RAB3GAP1: variants seen among roughly 807,000 people sequenced by gnomAD.
The protein encoded by RAB3GAP1 is RAB3 GTPase activating protein catalytic subunit 1, also known as rab3 GTPase-activating protein catalytic subunit.
RAB3GAP1 carries 86 observed loss-of-function variants against 130.7 expected under a neutral mutation model. The ratio of observed to expected loss-of-function variants is 0.66; its 90% CI spans 0.55 to 0.79. RAB3GAP1 has a LOEUF of 0.79. Ranked by LOEUF, RAB3GAP1 falls within the 30% of genes least tolerant of loss-of-function variation. RAB3GAP1 has a pLI of 0.00. For missense variants in RAB3GAP1, 1,029 were observed against 1,169.4 expected (o/e 0.88, Z 1.75); for synonymous variants, 367 against 401.7 (o/e 0.91, Z 1.03).
At chr2:135,068,590 T>G (rs1689386788) in intron 3 of RAB3GAP1, among the ~76,000 whole-genome samples, 1 of 152,072 alleles carries the variant, frequency 6.6e-6, no homozygotes, top group Non-Finnish European at 1.5e-5. Flanking sequence ...CTGTCTCTAC[T>G]AAAAATACAA....
intron 23 of RAB3GAP1, 89 bp from the exon 24 acceptor site, chr2:135,168,456 T>C: frequency 9.4e-7 from 1 of 1,068,148 alleles, no homozygotes; most frequent in South Asian, 1.3e-5. Context: ...CATTTTCATA[T>C]CTTTATTATG....
downstream of RAB3GAP1, among the ~76,000 whole-genome samples, chr2:135,171,556 A>C (rs895366533): frequency 6.6e-6 from 1 of 152,154 alleles, no homozygotes; most frequent in African/African-American, 2.4e-5. Flanking sequence ...ACCCCCATAC[A>C]TTCCTATACC....
chr2:135,130,206 GATGGAC>G (rs1691491765), intron 12 of RAB3GAP1, 119 bp downstream of exon 12: 1 of 848,306 alleles, frequency 1.2e-6, no homozygotes, highest in African/African-American at 1.7e-5. Context: ...ATCAAGTTTT[GATGGAC>G]TAGACAGCTA....
At chr2:135,074,644 C>T (rs1438949797) in intron 3 of RAB3GAP1, among the ~76,000 whole-genome samples, 1 of 152,120 alleles carries the variant, frequency 6.6e-6, no homozygotes, top group Middle Eastern at 3.2e-3. Context: ...AAGCAGTCCC[C>T]AAGCACTCCC....
At position 135,072,703 on chromosome 2, in the gene RAB3GAP1, A is replaced by G. The variant is rs369972502; in HGVS notation, c.150+14617A>G. 2.8e-4 allele frequency among the ~76,000 whole-genome samples: 43 copies of G among 152,338 alleles called. No individual in the cohort carries two copies. The East Asian group carries it at 5.0e-3, about 18-fold the overall frequency. On this transcript the variant is annotated intron_variant, in intron 3 of 23. Transcript: ENST00000264158. ...CAATGAGTTATTTTACTTTAGGACA[A>G]GAAATTACCATACAAGATCCTTTCT...
intron 3 of RAB3GAP1, among the ~76,000 whole-genome samples, chr2:135,076,962 A>G (rs1466730588): frequency 1.3e-5 from 2 of 152,222 alleles, no homozygotes; most frequent in Non-Finnish European, 2.9e-5. Context: ...TTATATGTAT[A>G]TACCACATTT....
chr2:135,058,309 G>GTATA (rs147304537), intron 3 of RAB3GAP1: 17 of 360,246 alleles, frequency 4.7e-5, no homozygotes, highest in African/African-American at 3.0e-4. Context: ...ATGTGTGTGT[G>GTATA]TATATATATA....
Position 135,159,902 on chromosome 2 carries a change from G to A in RAB3GAP1, c.2290-2653G>A, listed in dbSNP as rs547699145. 4.2e-4 allele frequency among the ~76,000 whole-genome samples: 64 copies of A among 152,298 alleles called. 1 individual carries two copies. The South Asian group carries it at 7.5e-3, about 18-fold the overall frequency. ...CAGAAAACAATGGGCTGCATGTTGC[G>A]TCGTTCCATTTATATGAAAGGACCA... On this transcript the variant is annotated intron_variant, in intron 19 of 23. Transcript: ENST00000264158.
At chr2:135,171,145 T>C (rs1373272817), downstream of RAB3GAP1, among the ~76,000 whole-genome samples, 1 of 151,312 alleles carries the variant, frequency 6.6e-6, no homozygotes, top group Admixed American at 6.6e-5. Flanking sequence ...TAAGGGAAAA[T>C]GTCTATTTGG....
chr2:135,140,552 T>C (rs1691808813), intron 17 of RAB3GAP1, among the ~76,000 whole-genome samples: 1 of 152,174 alleles, frequency 6.6e-6, no homozygotes, highest in South Asian at 2.1e-4. Flanking sequence ...AGAGATGAGG[T>C]TTAAGCTTCC....
At chr2:135,142,778 T>C (rs970340397) in intron 17 of RAB3GAP1, among the ~76,000 whole-genome samples, 12 of 152,132 alleles carry the variant, frequency 7.9e-5, no homozygotes, top group African/African-American at 2.9e-4. Flanking sequence ...TTCTCCCTTA[T>C]TCCATTAATG....
chr2:135,166,049 G>A lies in RAB3GAP1; in HGVS notation c.2709+1353G>A, dbSNP rs373333972. ...TAGCTGGGCGTGGTGGTGAGCACCT[G>A]TAATCTCAGCTACTTGGGAGGCTGA... On this transcript the variant is annotated intron_variant, in intron 23 of 23. Coordinates refer to ENST00000264158, the MANE Select transcript of RAB3GAP1 (RefSeq NM_012233.3). Among the ~76,000 whole-genome samples the A allele has an allele frequency of 1.9e-4, 29 of 152,000 alleles. No individual in the cohort carries two copies. The East Asian group carries it at 4.6e-3, about 24-fold the overall frequency.
chr2:135,102,999 T>C (rs1690491029), intron 5 of RAB3GAP1, among the ~76,000 whole-genome samples: 1 of 104,800 alleles, frequency 9.5e-6, no homozygotes, highest in African/African-American at 4.7e-5. Flanking sequence ...AGTGCGAGAC[T>C]CCGTCTGAAA....
At chr2:135,136,294 C>G (rs1014349325) in intron 17 of RAB3GAP1, among the ~76,000 whole-genome samples, 8 of 152,012 alleles carry the variant, frequency 5.3e-5, no homozygotes, top group Non-Finnish European at 1.0e-4. Flanking sequence ...CCACTGCACT[C>G]CAGCCTGGGC....
intron 5 of RAB3GAP1, among the ~76,000 whole-genome samples, chr2:135,105,578 G>T (rs538890962): frequency 6.6e-6 from 1 of 151,180 alleles, no homozygotes; most frequent in Non-Finnish European, 1.5e-5. Context: ...ATCTCGGCTC[G>T]CTACAACCTC....
At chr2:135,149,874 G>A (rs1005111022) in intron 17 of RAB3GAP1, among the ~76,000 whole-genome samples, 2 of 152,110 alleles carry the variant, frequency 1.3e-5, no homozygotes, top group African/African-American at 4.8e-5. Context: ...AGCCAGGATG[G>A]TCTCGATCTC....
intron 17 of RAB3GAP1, among the ~76,000 whole-genome samples, chr2:135,139,723 G>C (rs1252363373): frequency 6.6e-6 from 1 of 152,024 alleles, no homozygotes; most frequent in Non-Finnish European, 1.5e-5. Flanking sequence ...TACATTCTCT[G>C]TCTTTCCCAT....
chr2:135,173,287 T>C (rs1261135310), downstream of RAB3GAP1, among the ~76,000 whole-genome samples: 1 of 151,470 alleles, frequency 6.6e-6, no homozygotes, highest in Non-Finnish European at 1.5e-5. Context: ...CCATGGACAG[T>C]ATGAGGTCAC....
At position 135,169,275 on chromosome 2, in the gene RAB3GAP1, T is replaced by C. The variant is rs1232801633; in HGVS notation, c.*494T>C. ...TGTGTTTTTAAAATACTACATGACA[T>C]TCTGTCTATTCAATCACCTGGTGGT... On this transcript the variant is annotated 3_prime_UTR_variant, in exon 24 of 24. Coordinates refer to ENST00000264158, the MANE Select transcript of RAB3GAP1 (RefSeq NM_012233.3). 1 of 223,420 alleles carries C rather than the reference T, an allele frequency of 4.5e-6. No homozygotes were observed. Among genetic ancestry groups the C allele is most frequent in the African/African-American group, 2.3e-5 (1 of 43,462 alleles). 13.8% of individuals were successfully genotyped at this position (223,420 alleles called of 1,614,324 possible).
Sources: allele counts gnomAD v4.1 joint callset (sites outside exome capture counted in the v4.1 genomes callset), GRCh38; gene constraint gnomAD v4.1.1; transcripts MANE v1.5; gene names NCBI Gene and HGNC (gene_info 2026-07-23, HGNC 2026-07-21).